The following RALYL variants were observed in gnomAD, a reference collection of about 807,000 sequenced individuals.
The protein encoded by RALYL is RNA-binding Raly-like protein.
In RALYL, 29 loss-of-function variants were observed where a neutral mutation model predicts 35.1. The observed-to-expected ratio is 0.83, with a 90% CI of 0.61 to 1.13. The LOEUF is 1.13. RALYL is among the 50% of genes most tolerant of loss of function. The pLI is 0.00. For missense variants in RALYL, 359 were observed against 360.4 expected (o/e 1.00, Z 0.03); for synonymous variants, 120 against 127.6 (o/e 0.94, Z 0.40).
At chr8:84,899,838 G>A (rs1289398996) in intron 8 of RALYL, among the ~76,000 whole-genome samples, 5 of 152,126 alleles carry the variant, frequency 3.3e-5, no homozygotes, top group Non-Finnish European at 7.4e-5. Flanking sequence ...CAGAAAATAA[G>A]ACTTCCTCTC....
At chr8:84,391,357 A>G (rs770741880) in intron 1 of RALYL, among the ~76,000 whole-genome samples, 1 of 152,004 alleles carries the variant, frequency 6.6e-6, no homozygotes, top group Non-Finnish European at 1.5e-5. Flanking sequence ...GAAACAAAGA[A>G]AAGTCCTATT....
chr8:84,253,737 C>T (rs183893822), intron 1 of RALYL, among the ~76,000 whole-genome samples: 112 of 152,192 alleles, frequency 7.4e-4, no homozygotes, highest in Admixed American at 3.7e-3. Context: ...GGAAATCTCT[C>T]AGTTACCTCT....
chr8:84,342,731 A>G (rs1351323345), intron 1 of RALYL, among the ~76,000 whole-genome samples: 6 of 151,976 alleles, frequency 3.9e-5, no homozygotes, highest in Non-Finnish European at 8.8e-5. Context: ...GTTTCATCAG[A>G]TGGTGCTTTA....
intron 2 of RALYL, among the ~76,000 whole-genome samples, chr8:84,595,103 G>A (rs1588408875): frequency 6.6e-6 from 1 of 152,132 alleles, no homozygotes; most frequent in South Asian, 2.1e-4. Flanking sequence ...AGTAAATACT[G>A]AGTCACCCTT....
chr8:84,733,929 A>T (rs1284729913), intron 2 of RALYL, among the ~76,000 whole-genome samples: 3 of 152,204 alleles, frequency 2.0e-5, no homozygotes, highest in Non-Finnish European at 4.4e-5. Context: ...ACTAACAAGA[A>T]AATAGTAAAA....
intron 7 of RALYL, among the ~76,000 whole-genome samples, chr8:84,882,185 T>C (rs938955988): frequency 1.3e-5 from 2 of 152,028 alleles, no homozygotes; most frequent in Non-Finnish European, 2.9e-5. Flanking sequence ...TTTTGGCTTC[T>C]AATCGACCTT....
chr8:84,760,119 A>G (rs893685449), intron 2 of RALYL, among the ~76,000 whole-genome samples: 4 of 152,294 alleles, frequency 2.6e-5, no homozygotes, highest in African/African-American at 7.2e-5. Context: ...TTATTTTTCA[A>G]ACTGAAACTT....
intron 1 of RALYL, among the ~76,000 whole-genome samples, chr8:84,426,474 G>GTGTGTGT (rs1554662503): frequency 8.2e-5 from 12 of 145,494 alleles, no homozygotes; most frequent in Admixed American, 3.4e-4. Context: ...GTGTGTGTGT[G>GTGTGTGT]GGTTTAGATT....
At chr8:84,864,077 G>T (rs1838664640) in intron 6 of RALYL, among the ~76,000 whole-genome samples, 1 of 152,114 alleles carries the variant, frequency 6.6e-6, no homozygotes, top group Admixed American at 6.5e-5. Flanking sequence ...CAGCTACTTG[G>T]AGAAATAATG....
intron 1 of RALYL, among the ~76,000 whole-genome samples, chr8:84,313,183 C>T (rs1843120321): frequency 6.6e-6 from 1 of 152,176 alleles, no homozygotes; most frequent in South Asian, 2.1e-4. Context: ...AGCATCTGGA[C>T]ACAGGGCACT....
intron 2 of RALYL, among the ~76,000 whole-genome samples, chr8:84,683,265 T>C (rs1835996393): frequency 6.6e-6 from 1 of 152,306 alleles, no homozygotes. Flanking sequence ...CTTCCAAGTA[T>C]GTGGTCAATT....
chr8:84,457,884 A>G (rs1035623875), intron 1 of RALYL, among the ~76,000 whole-genome samples: 15 of 151,704 alleles, frequency 9.9e-5, no homozygotes, highest in Non-Finnish European at 1.5e-4. Context: ...GAACTTGTTT[A>G]GGTAATTATC....
chr8:84,593,519 A>G (rs558972056), intron 2 of RALYL, among the ~76,000 whole-genome samples: 2 of 152,238 alleles, frequency 1.3e-5, no homozygotes, highest in Non-Finnish European at 2.9e-5. Flanking sequence ...TTTAACCTCT[A>G]ACAGGGTATC....
chr8:84,446,796 T>A (rs1042635581), intron 1 of RALYL, among the ~76,000 whole-genome samples: 1 of 152,046 alleles, frequency 6.6e-6, no homozygotes, highest in Non-Finnish European at 1.5e-5. Flanking sequence ...GCAGGGGGCA[T>A]TCCCATTCCC....
At chr8:84,565,923 T>C (rs1475078797) in intron 2 of RALYL, among the ~76,000 whole-genome samples, 1 of 151,610 alleles carries the variant, frequency 6.6e-6, no homozygotes, top group Non-Finnish European at 1.5e-5. Context: ...AAATTGTTTA[T>C]TTCCTTCTTT....
At chr8:84,288,810 G>T (rs1415245866) in intron 1 of RALYL, among the ~76,000 whole-genome samples, 5 of 152,026 alleles carry the variant, frequency 3.3e-5, no homozygotes, top group Non-Finnish European at 7.4e-5. Context: ...AGTATAATTA[G>T]ATATTTAAAA....
intron 2 of RALYL, among the ~76,000 whole-genome samples, chr8:84,627,355 C>G (rs1166054123): frequency 6.7e-6 from 1 of 149,542 alleles, no homozygotes; most frequent in Non-Finnish European, 1.5e-5. Context: ...TGTTTTTATA[C>G]TAAGGCATAG....
At chr8:84,879,279 A>G (rs1362041277) in intron 7 of RALYL, among the ~76,000 whole-genome samples, 1 of 152,050 alleles carries the variant, frequency 6.6e-6, no homozygotes, top group East Asian at 1.9e-4. Flanking sequence ...GTAAGTTTGC[A>G]TAAGTACGTA....
chr8:84,320,430 A>G (rs1044606592), intron 1 of RALYL, among the ~76,000 whole-genome samples: 10 of 151,088 alleles, frequency 6.6e-5, no homozygotes, highest in Non-Finnish European at 3.0e-5. Flanking sequence ...GTATGTGTAT[A>G]TACATGCACA....
Sources: gnomAD v4.1 joint callset for allele counts (sites outside exome capture counted in the v4.1 genomes callset) on GRCh38, gnomAD v4.1.1 for gene constraint, MANE v1.5 for transcripts, NCBI Gene and HGNC (gene_info 2026-07-23, HGNC 2026-07-21) for gene names.